HS3ST4: variants seen among roughly 807,000 people sequenced by gnomAD.
HS3ST4 encodes the protein heparan sulfate-glucosamine 3-sulfotransferase 4.
HS3ST4 carries 17 observed loss-of-function variants against 29.2 expected under a neutral mutation model. That is an observed-to-expected ratio of 0.58 (90% CI 0.40 to 0.87). The LOEUF (loss-of-function observed/expected upper bound fraction) is 0.87, where lower values mean the gene tolerates loss of function less well. Ranked by LOEUF, HS3ST4 falls within the 40% of genes least tolerant of loss-of-function variation. HS3ST4 has a pLI of 0.00. For synonymous variants in HS3ST4, 314 were observed against 285.7 expected, an observed-to-expected ratio of 1.10 and a Z score of -1.00; for missense variants, 627 against 634.5, an observed-to-expected ratio of 0.99 and a Z score of 0.13.
Position 25,813,790 on chromosome 16 carries a change from C to T in HS3ST4, c.734+120639C>T, listed in dbSNP as rs145538669. ...AAAAAGACTTGCACACAAATGTTCA[C>T]AGCAGCTTTATTTGCAATAGCTAAC... On this transcript the variant is annotated intron_variant, in intron 1 of 1. Coordinates refer to ENST00000331351, the MANE Select transcript of HS3ST4 (RefSeq NM_006040.3). 1.1e-3 allele frequency among the ~76,000 whole-genome samples: 165 copies of T among 152,316 alleles called. 4 individuals carry two copies. In the East Asian group the frequency reaches 0.027, roughly 25 times the overall value.
chr16:25,982,495 C>G (rs62034492), intron 1 of HS3ST4, among the ~76,000 whole-genome samples: 8,445 of 152,248 alleles, frequency 0.055, 331 homozygotes, highest in Middle Eastern at 0.092. Context: ...CCACAGCTCT[C>G]TTAATAAAAT....
In HS3ST4 at chr16:25,919,087, G is replaced by A. The variant is rs116187405; in HGVS notation, c.735-216525G>A. On this transcript the variant is annotated intron_variant, in intron 1 of 1. Coordinates refer to ENST00000331351, the MANE Select transcript of HS3ST4 (RefSeq NM_006040.3). Reference sequence around the variant, plus strand: ...GTCCCCCAGGCTGGAGTGCAGTGGTGTGAACATAGCTCACTCTAGCCTCAA... The same window carrying A: ...GTCCCCCAGGCTGGAGTGCAGTGGTATGAACATAGCTCACTCTAGCCTCAA... Among the ~76,000 whole-genome samples the A allele has an allele frequency of 9.6e-3, 1,460 of 152,324 alleles. 23 individuals carry two copies. Among genetic ancestry groups the A allele is most frequent in the African/African-American group, 0.033 (1,388 of 41,564 alleles).
intron 1 of HS3ST4, among the ~76,000 whole-genome samples, chr16:25,704,897 T>A (rs1437793609): frequency 1.5e-5 from 2 of 129,352 alleles, no homozygotes; most frequent in Non-Finnish European, 1.7e-5. Context: ...AAAAAAAAAA[T>A]TGTAGAGAAG....
intron 1 of HS3ST4, among the ~76,000 whole-genome samples, chr16:26,069,958 G>A (rs1012922231): frequency 6.6e-6 from 1 of 152,060 alleles, no homozygotes; most frequent in Admixed American, 6.5e-5. Flanking sequence ...GGCTATCATT[G>A]TTGGACATTT....
chr16:25,983,984 G>T (rs2141724104), intron 1 of HS3ST4, among the ~76,000 whole-genome samples: 1 of 151,790 alleles, frequency 6.6e-6, no homozygotes, highest in South Asian at 2.1e-4. Flanking sequence ...CAGATTCATG[G>T]GGCAGTGATG....
At chr16:25,841,093 C>A (rs956656806) in intron 1 of HS3ST4, among the ~76,000 whole-genome samples, 5 of 151,688 alleles carry the variant, frequency 3.3e-5, no homozygotes, top group African/African-American at 1.2e-4. Context: ...CAGGCTCCGC[C>A]CCCCGGGGTT....
intron 1 of HS3ST4, among the ~76,000 whole-genome samples, chr16:25,836,326 A>C (rs2141642197): frequency 6.6e-6 from 1 of 152,336 alleles, no homozygotes; most frequent in Middle Eastern, 3.4e-3. Flanking sequence ...ACATGTAGAC[A>C]GGAAGTTCAT....
chr16:26,032,357 C>G (rs1373979171), intron 1 of HS3ST4, among the ~76,000 whole-genome samples: 3 of 151,586 alleles, frequency 2.0e-5, no homozygotes. Flanking sequence ...TGGAGACATT[C>G]TATTAGTGAC....
intron 1 of HS3ST4, among the ~76,000 whole-genome samples, chr16:25,964,850 G>T (rs1968827969): frequency 6.6e-6 from 1 of 151,808 alleles, no homozygotes; most frequent in Non-Finnish European, 1.5e-5. Context: ...AATTATCTTG[G>T]TGATATAATG....
chr16:26,064,650 T>C (rs1401784696), intron 1 of HS3ST4, among the ~76,000 whole-genome samples: 1 of 134,238 alleles, frequency 7.4e-6, no homozygotes, highest in Admixed American at 8.3e-5. Flanking sequence ...AGAGTTTCAC[T>C]CTTGTTGCCT....
intron 1 of HS3ST4, among the ~76,000 whole-genome samples, chr16:26,084,665 G>A (rs1158399323): frequency 6.6e-6 from 1 of 152,040 alleles, no homozygotes; most frequent in Non-Finnish European, 1.5e-5. Context: ...CTGGAGTACA[G>A]TAGCATGATC....
At chr16:25,939,024 G>A (rs1452715528) in intron 1 of HS3ST4, among the ~76,000 whole-genome samples, 1 of 152,156 alleles carries the variant, frequency 6.6e-6, no homozygotes, top group Admixed American at 6.5e-5. Flanking sequence ...GATGATCAGT[G>A]ATGGCTGAAT....
At chr16:25,713,234 A>G (rs563850327) in intron 1 of HS3ST4, among the ~76,000 whole-genome samples, 5 of 152,158 alleles carry the variant, frequency 3.3e-5, no homozygotes, top group African/African-American at 1.2e-4. Context: ...CTCTTTAAAG[A>G]TCCTGTCTCC....
At chr16:26,021,658 T>TATG (rs1463686447) in intron 1 of HS3ST4, among the ~76,000 whole-genome samples, 2 of 148,840 alleles carry the variant, frequency 1.3e-5, no homozygotes, top group East Asian at 1.9e-4. Flanking sequence ...ATCTAAGTTC[T>TATG]ATTATTATTA....
At chr16:26,013,601 A>C (rs1969332799) in intron 1 of HS3ST4, among the ~76,000 whole-genome samples, 1 of 152,232 alleles carries the variant, frequency 6.6e-6, no homozygotes, top group Admixed American at 6.5e-5. Flanking sequence ...CATTTCATTT[A>C]ATCCTGGATG....
At chr16:25,855,725 C>A (rs930313720) in intron 1 of HS3ST4, among the ~76,000 whole-genome samples, 6 of 152,056 alleles carry the variant, frequency 3.9e-5, no homozygotes, top group African/African-American at 7.2e-5. Flanking sequence ...CTGCTCTTCA[C>A]CAAGGGGCTG....
chr16:25,845,198 CATAAAA>C (rs1473128262), intron 1 of HS3ST4, among the ~76,000 whole-genome samples: 1 of 152,002 alleles, frequency 6.6e-6, no homozygotes, highest in Non-Finnish European at 1.5e-5. Flanking sequence ...TGGAACTTAA[CATAAAA>C]ATAAAAATTA....
intron 1 of HS3ST4, among the ~76,000 whole-genome samples, chr16:25,851,228 T>C (rs1028280177): frequency 2.6e-5 from 4 of 152,186 alleles, no homozygotes; most frequent in Non-Finnish European, 5.9e-5. Flanking sequence ...GATGGATGCC[T>C]GGCGGGTTGG....
chr16:26,034,463 G>A (rs955115605), intron 1 of HS3ST4, among the ~76,000 whole-genome samples: 4 of 152,162 alleles, frequency 2.6e-5, no homozygotes, highest in African/African-American at 9.7e-5. Context: ...CTGCTCTTAT[G>A]CTATGTGCCA....
Sources: allele counts gnomAD v4.1 joint callset (sites outside exome capture counted in the v4.1 genomes callset), GRCh38; gene constraint gnomAD v4.1.1; transcripts MANE v1.5; gene names NCBI Gene and HGNC (gene_info 2026-07-23, HGNC 2026-07-21).